Variants in PICALM observed in about 807,000 individuals in gnomAD.
PICALM encodes phosphatidylinositol-binding clathrin assembly protein.
PICALM carries 40 observed loss-of-function variants against 80.5 expected under a neutral mutation model. That is an observed-to-expected ratio of 0.50 (90% CI 0.39 to 0.65). The LOEUF is 0.65. Among genes scored for constraint, PICALM ranks in the 30% least tolerant of loss-of-function variants. PICALM has a pLI of 0.00. For missense variants in PICALM, 676 were observed against 778.9 expected, an observed-to-expected ratio of 0.87 and a Z score of 1.57; for synonymous variants, 288 against 260.3, an observed-to-expected ratio of 1.11 and a Z score of -1.02.
intron 1 of PICALM, among the ~76,000 whole-genome samples, chr11:86,067,548 G>A (rs556815168): frequency 5.3e-4 from 80 of 152,272 alleles, no homozygotes; most frequent in African/African-American, 1.9e-3. Flanking sequence ...GTTAGCGAAT[G>A]GACGAATACT....
intron 19 of PICALM, among the ~76,000 whole-genome samples, chr11:85,966,660 T>A (rs1436828082): frequency 6.6e-6 from 1 of 152,176 alleles, no homozygotes; most frequent in South Asian, 2.1e-4. Flanking sequence ...CTGGTGCCCA[T>A]AAATTTGACC....
intron 13 of PICALM, among the ~76,000 whole-genome samples, chr11:85,986,347 C>A (rs547920255): frequency 2.1e-5 from 3 of 141,236 alleles, no homozygotes; most frequent in South Asian, 2.3e-4. Context: ...GTGAAACTAT[C>A]AGGACTGCCA....
intron 19 of PICALM, among the ~76,000 whole-genome samples, chr11:85,963,626 T>C (rs1386472769): frequency 6.6e-6 from 1 of 152,256 alleles, no homozygotes; most frequent in African/African-American, 2.4e-5. Context: ...AAGTGGTTGA[T>C]GATAGTATCT....
chr11:86,007,280 A>G (rs1027711315), intron 8 of PICALM: 6 of 221,106 alleles, frequency 2.7e-5, no homozygotes, highest in Non-Finnish European at 4.5e-5. Flanking sequence ...CCTTTTTTAA[A>G]CAATGATGAT....
In PICALM at chr11:85,996,890, C is replaced by A. The variant is rs372958249; in HGVS notation, c.1194G>T (p.Gln398His). The A allele has an allele frequency of 7.1e-5, 115 of 1,612,790 alleles. No individual in the cohort carries two copies. Among genetic ancestry groups the A allele is most frequent in the Non-Finnish European group, 9.5e-5 (112 of 1,179,384 alleles). ...GATGTACAGATGGGTGAAAAGTTGG[C>A]TGCTGCAAATCAAGCAGATCATTGG... ...KLPNDLLDLQ[Q>H]PTFHPSVHPM... Residue 398 changes from glutamine (Q) to histidine (H), a missense_variant, in exon 12 of 20, where the codon CAG (glutamine) becomes CAT (histidine). This residue lies in a region of PICALM where 391 missense variants were observed against 383.6 expected (regional missense o/e 1.02). Transcript: ENST00000393346.
intron 1 of PICALM, among the ~76,000 whole-genome samples, chr11:86,056,453 G>A (rs1227801738): frequency 6.6e-6 from 1 of 151,464 alleles, no homozygotes; most frequent in African/African-American, 2.4e-5. Context: ...AAATCACAAT[G>A]ACATAACACT....
chr11:86,052,251 T>C (rs527843704), intron 1 of PICALM, among the ~76,000 whole-genome samples: 1 of 152,348 alleles, frequency 6.6e-6, no homozygotes, highest in East Asian at 1.9e-4. Flanking sequence ...AGAAAGGACA[T>C]GTTTGCTTCC....
chr11:86,032,558 G>A (rs943358902), intron 1 of PICALM, among the ~76,000 whole-genome samples: 2 of 151,962 alleles, frequency 1.3e-5, no homozygotes, highest in South Asian at 2.1e-4. Context: ...CCTGGGAGGC[G>A]GAGGTTGCAG....
intron 3 of PICALM, among the ~76,000 whole-genome samples, chr11:86,025,751 G>A (rs557298140): frequency 6.6e-6 from 1 of 152,010 alleles, no homozygotes; most frequent in Admixed American, 6.6e-5. Flanking sequence ...TAGAGACGGG[G>A]TTTCACCATG....
chr11:86,022,686 T>C lies in PICALM; in HGVS notation c.350-217A>G, dbSNP rs76279922. 0.06 allele frequency among the ~76,000 whole-genome samples: 9,146 copies of C among 152,078 alleles called. 475 individuals carry two copies. The highest frequency in any genetic ancestry group is 0.14 in the African/African-American group (5,950 of 41,472). ...TCATATTTAAATCAGATAAGTCCTA[T>C]GTAGTTTTAAAAAAAAAACCTCTTC... On this transcript the variant is annotated intron_variant, in intron 3 of 19. Coordinates refer to ENST00000393346, the MANE Select transcript of PICALM (RefSeq NM_007166.4).
chr11:85,998,417 T>C (rs1200948554), intron 11 of PICALM, among the ~76,000 whole-genome samples: 2 of 151,956 alleles, frequency 1.3e-5, no homozygotes, highest in African/African-American at 4.8e-5. Context: ...GGCCGACTTC[T>C]ATGTGATTTT....
At chr11:86,021,826 A>G (rs1256078535) in intron 4 of PICALM, among the ~76,000 whole-genome samples, 2 of 152,216 alleles carry the variant, frequency 1.3e-5, no homozygotes, top group Non-Finnish European at 2.9e-5. Context: ...ATATGTCCAT[A>G]AAGTAAAATA....
intron 19 of PICALM, among the ~76,000 whole-genome samples, chr11:85,959,272 TTTG>T (rs1209419779): frequency 2.6e-5 from 4 of 152,130 alleles, no homozygotes; most frequent in African/African-American, 4.8e-5. Flanking sequence ...AATAATGTTT[TTTG>T]TTGTTGTTTT....
intron 14 of PICALM, 133 bp downstream of exon 14, chr11:85,983,733 T>G: frequency 2.1e-6 from 1 of 487,504 alleles, no homozygotes. Flanking sequence ...ATCTAGTGCT[T>G]GGGGGGATGG....
chr11:86,006,766 T>G (rs2095285838), intron 8 of PICALM, among the ~76,000 whole-genome samples: 1 of 152,258 alleles, frequency 6.6e-6, no homozygotes, highest in Non-Finnish European at 1.5e-5. Flanking sequence ...GGTACTTTCA[T>G]TCTTAATACT....
intron 8 of PICALM, among the ~76,000 whole-genome samples, chr11:86,004,663 C>T (rs1218312256): frequency 2.0e-5 from 3 of 152,050 alleles, no homozygotes; most frequent in East Asian, 3.9e-4. Flanking sequence ...GTAGCATTTA[C>T]TTACCCTAAA....
intron 17 of PICALM, among the ~76,000 whole-genome samples, chr11:85,977,409 G>T (rs1157969517): frequency 1.3e-5 from 2 of 152,106 alleles, no homozygotes; most frequent in Non-Finnish European, 2.9e-5. Flanking sequence ...CATACAATTT[G>T]AGAACAGAAT....
In PICALM at chr11:85,995,748, A is replaced by G. The variant is rs181627290; in HGVS notation, c.1258+1078T>C. Among the ~76,000 whole-genome samples, 203 of 152,296 alleles carry G rather than the reference A, an allele frequency of 1.3e-3. 1 individual carries two copies. The highest frequency in any genetic ancestry group is 4.8e-3 in the African/African-American group (198 of 41,588). On this transcript the variant is annotated intron_variant, in intron 12 of 19. Transcript: ENST00000393346. ...ATTCACAATAAGGCAGAAAATAATT[A>G]AGAATCCAAAAATCAGAACATAACA...
At chr11:86,004,174 A>T (rs1273558527) in intron 8 of PICALM, among the ~76,000 whole-genome samples, 1 of 152,208 alleles carries the variant, frequency 6.6e-6, no homozygotes, top group Non-Finnish European at 1.5e-5. Context: ...ACTGCAAATA[A>T]TCCAAAACTC....
Sources: gnomAD v4.1 joint callset for allele counts (sites outside exome capture counted in the v4.1 genomes callset) on GRCh38, gnomAD v4.1.1 for gene constraint, gnomAD v4.1.1 regional missense constraint, MANE v1.5 for transcripts, NCBI Gene and HGNC (gene_info 2026-07-23, HGNC 2026-07-21) for gene names.